Variants in EIF3H observed in about 807,000 individuals in gnomAD.
EIF3H encodes the protein eIF-3-gamma.
A neutral mutation model predicts 44.2 loss-of-function variants in EIF3H; 26 were observed. That is an observed-to-expected ratio of 0.59 (90% CI 0.43 to 0.82). The LOEUF (loss-of-function observed/expected upper bound fraction) is 0.82, where lower values mean the gene tolerates loss of function less well. Ranked by LOEUF, EIF3H falls within the 40% of genes least tolerant of loss-of-function variation. The pLI, the probability that EIF3H is intolerant of heterozygous loss-of-function variation, is 0.00. For synonymous variants in EIF3H, 166 were observed against 151.9 expected, an observed-to-expected ratio of 1.09 and a Z score of -0.68; for missense variants, 359 against 432.8, an observed-to-expected ratio of 0.83 and a Z score of 1.51.
Position 116,655,883 on chromosome 8 carries a change from T to C in EIF3H, c.680A>G (p.Lys227Arg). ...GCTGGCAAGGCTGAGCAATTCATGT[T>C]TATCTGCAACAGCTGACTTCTTTTC... is the stretch of plus-strand genomic sequence containing the variant. Reference protein sequence around the residue: ...ELEKKSAVADKHELLSLASSN... With the variant: ...ELEKKSAVADRHELLSLASSN... The change falls in exon 5 of 8, where the codon AAA (lysine) becomes AGA (arginine). Residue 227 changes from lysine (K) to arginine (R), a missense_variant. By Grantham distance (26) the Lys-to-Arg change is conservative. This residue lies in a region of EIF3H where 85 missense variants were observed against 79.2 expected (regional missense o/e 1.07). Coordinates refer to ENST00000521861, the MANE Select transcript of EIF3H (RefSeq NM_003756.3). 1 of 1,613,794 alleles carries C rather than the reference T, an allele frequency of 6.2e-7. No individual in the cohort carries two copies. Among genetic ancestry groups the C allele is most frequent in the Non-Finnish European group, 8.5e-7 (1 of 1,179,764 alleles).
At chr8:116,704,394 G>C (rs140550715) in intron 2 of EIF3H, among the ~76,000 whole-genome samples, 32 of 152,312 alleles carry the variant, frequency 2.1e-4, no homozygotes, top group Admixed American at 4.6e-4. Context: ...ATCATTACCA[G>C]TACAATAATG....
At chr8:116,763,471 T>G (rs748956418) in intron 1 of EIF3H, among the ~76,000 whole-genome samples, 6 of 152,238 alleles carry the variant, frequency 3.9e-5, no homozygotes, top group Non-Finnish European at 5.9e-5. Flanking sequence ...TATTTTATTT[T>G]ATTTTAAAGA....
chr8:116,652,041 G>GT (rs1358879266), intron 5 of EIF3H, among the ~76,000 whole-genome samples: 4 of 152,212 alleles, frequency 2.6e-5, no homozygotes, highest in African/African-American at 9.6e-5. Flanking sequence ...AGTCACAGGA[G>GT]TAAGACAAAA....
At chr8:116,659,847 T>G (rs1457304911) in intron 2 of EIF3H, among the ~76,000 whole-genome samples, 3 of 152,084 alleles carry the variant, frequency 2.0e-5, no homozygotes, top group Non-Finnish European at 4.4e-5. Context: ...AGGAGAAAAC[T>G]TTATAGTCAA....
At chr8:116,690,506 G>A (rs1339381797) in intron 2 of EIF3H, among the ~76,000 whole-genome samples, 2 of 152,102 alleles carry the variant, frequency 1.3e-5, no homozygotes, top group African/African-American at 4.8e-5. Flanking sequence ...ACCAGCTGGG[G>A]CAACACAGTG....
At chr8:116,745,315 A>G (rs2130972754) in intron 1 of EIF3H, among the ~76,000 whole-genome samples, 1 of 152,348 alleles carries the variant, frequency 6.6e-6, no homozygotes, top group Admixed American at 6.5e-5. Context: ...AATGTAAGAA[A>G]TTACCCATTC....
intron 1 of EIF3H, among the ~76,000 whole-genome samples, chr8:116,732,857 G>C (rs117866543): frequency 0.027 from 4,057 of 152,228 alleles, 82 homozygotes; most frequent in Non-Finnish European, 0.045. Context: ...CCAGATGTGT[G>C]GGTTCTTTCT....
chr8:116,757,354 G>A (rs1175471984), upstream of EIF3H, among the ~76,000 whole-genome samples: 3 of 152,090 alleles, frequency 2.0e-5, no homozygotes, highest in African/African-American at 7.2e-5. Flanking sequence ...ACAAGAAAGG[G>A]CCCAGAAGCA....
chr8:116,657,622 C>T (rs530890092), intron 3 of EIF3H: 1 of 348,228 alleles, frequency 2.9e-6, no homozygotes, highest in African/African-American at 2.1e-5. Flanking sequence ...TTAAATGTAT[C>T]ATATGTTCTA....
chr8:116,672,756 TTA>T (rs1458986747), intron 2 of EIF3H, among the ~76,000 whole-genome samples: 2 of 151,912 alleles, frequency 1.3e-5, no homozygotes, highest in African/African-American at 2.4e-5. Context: ...ACCAAAGAGC[TTA>T]TGTGGGTTCC....
Position 116,644,761 on chromosome 8 carries a change from T to C in EIF3H, c.*245A>G. ...TCCGGTCAGGGCTTGTTTTAGCTTT[T>C]AGAAATAAACAAGTATAAGCAAACA... On this transcript the variant is annotated 3_prime_UTR_variant, in exon 8 of 8. Coordinates refer to ENST00000521861, the MANE Select transcript of EIF3H (RefSeq NM_003756.3). The C allele has an allele frequency of 2.3e-6, 1 of 431,328 alleles. No individual in the cohort carries two copies. The highest frequency in any genetic ancestry group is 4.2e-6 in the Non-Finnish European group (1 of 240,098). The allele number at this position is 431,328 out of a possible 1,614,324, so 26.7% of individuals were successfully genotyped here.
chr8:116,745,824 G>T (rs1337643377), intron 1 of EIF3H, among the ~76,000 whole-genome samples: 1 of 151,968 alleles, frequency 6.6e-6, no homozygotes, highest in Admixed American at 6.6e-5. Flanking sequence ...GAGGCTGAGG[G>T]GCACGAGAAT....
At chr8:116,706,562 T>C (rs1328036642) in intron 2 of EIF3H, among the ~76,000 whole-genome samples, 1 of 152,172 alleles carries the variant, frequency 6.6e-6, no homozygotes, top group East Asian at 1.9e-4. Flanking sequence ...AGAGACTGGG[T>C]CTCACTCTGT....
In EIF3H at chr8:116,647,511, A is replaced by G. The variant is rs929403089; in HGVS notation, c.829-908T>C. Among the ~76,000 whole-genome samples, 41 of 152,350 alleles carry G rather than the reference A, an allele frequency of 2.7e-4. 1 individual carries two copies. Among genetic ancestry groups the G allele is most frequent in the Middle Eastern group, 3.4e-3 (1 of 294 alleles). ...AAATACTTTCAAACTCTGGATTCCT[A>G]TGATTCGCTGAAGAGAAAGCAGGGA... On this transcript the variant is annotated intron_variant, in intron 6 of 7. Coordinates refer to ENST00000521861, the MANE Select transcript of EIF3H (RefSeq NM_003756.3).
chr8:116,646,736 T>C (rs1813308213), intron 6 of EIF3H, 133 bp from the exon 7 acceptor site: 2 of 1,257,422 alleles, frequency 1.6e-6, no homozygotes, highest in African/African-American at 1.5e-5. Context: ...TTGGCAACAT[T>C]TGGTAACTTG....
At chr8:116,670,270 C>A (rs1813730659) in intron 2 of EIF3H, among the ~76,000 whole-genome samples, 1 of 152,206 alleles carries the variant, frequency 6.6e-6, no homozygotes, top group Non-Finnish European at 1.5e-5. Context: ...ACTCCCACTG[C>A]CTCACAAGTA....
At chr8:116,712,259 T>C (rs1452403528) in intron 2 of EIF3H, among the ~76,000 whole-genome samples, 3 of 152,102 alleles carry the variant, frequency 2.0e-5, no homozygotes, top group Non-Finnish European at 2.9e-5. Context: ...TATGTCTCCA[T>C]AAGGGAGTCA....
At chr8:116,650,536 T>C (rs1320281762) in intron 5 of EIF3H, among the ~76,000 whole-genome samples, 1 of 152,210 alleles carries the variant, frequency 6.6e-6, no homozygotes, top group Non-Finnish European at 1.5e-5. Flanking sequence ...TAAAATATTA[T>C]ATATCCATAC....
rs184626469 is a variant in EIF3H at position 116,667,759 on chromosome 8, T to C, written c.290-8779A>G. On this transcript the variant is annotated intron_variant, in intron 2 of 7. Transcript: ENST00000521861. ...ACCATTTACTGGGCACTGCTTGCAC[T>C]AGGAGCCTGATAATGCTATAGTGAC... Among the ~76,000 whole-genome samples, 105 of 152,350 alleles carry C rather than the reference T, an allele frequency of 6.9e-4. No homozygotes were observed. In the Middle Eastern group the frequency reaches 0.01, roughly 15 times the overall value.
Sources: allele counts gnomAD v4.1 joint callset (sites outside exome capture counted in the v4.1 genomes callset), GRCh38; gene constraint gnomAD v4.1.1; regional missense constraint gnomAD v4.1.1; transcripts MANE v1.5; gene names NCBI Gene and HGNC (gene_info 2026-07-23, HGNC 2026-07-21).